Variants in CERS6 observed in about 807,000 individuals in gnomAD.
The protein encoded by CERS6 is LAG1 homolog, ceramide synthase 6.
In CERS6, 26 loss-of-function variants were observed where a neutral mutation model predicts 56.8. That is an observed-to-expected ratio of 0.46 (90% CI 0.34 to 0.63). The LOEUF (loss-of-function observed/expected upper bound fraction) is 0.63, where lower values mean the gene tolerates loss of function less well. CERS6 is among the 30% of genes least tolerant of loss of function. The pLI is 0.01. For missense variants in CERS6, 415 were observed against 467.5 expected, an observed-to-expected ratio of 0.89 and a Z score of 1.04; for synonymous variants, 164 against 173.3, an observed-to-expected ratio of 0.95 and a Z score of 0.42.
chr2:168,744,294 C>T (rs1684030025), intron 8 of CERS6, among the ~76,000 whole-genome samples: 1 of 152,146 alleles, frequency 6.6e-6, no homozygotes, highest in Non-Finnish European at 1.5e-5. Context: ...GTGTGAGCCA[C>T]CGTTCCCGGC....
intron 8 of CERS6, among the ~76,000 whole-genome samples, chr2:168,727,122 G>A (rs13423256): frequency 2.0e-5 from 3 of 152,120 alleles, no homozygotes; most frequent in Non-Finnish European, 4.4e-5. Flanking sequence ...AGTCAAATAC[G>A]TACCTTTACT....
chr2:168,645,341 GA>G (rs1196543654), intron 4 of CERS6, among the ~76,000 whole-genome samples: 2 of 150,468 alleles, frequency 1.3e-5, no homozygotes, highest in African/African-American at 4.9e-5. Flanking sequence ...ACAGAGATGA[GA>G]AAGCACTTTT....
At chr2:168,520,545 A>G (rs1444404820) in intron 1 of CERS6, among the ~76,000 whole-genome samples, 1 of 144,434 alleles carries the variant, frequency 6.9e-6, no homozygotes, top group Non-Finnish European at 1.5e-5. Context: ...GTTTTCTTCT[A>G]GGATCTTTAT....
At chr2:168,498,027 G>C (rs570104506) in intron 1 of CERS6, among the ~76,000 whole-genome samples, 1 of 152,106 alleles carries the variant, frequency 6.6e-6, no homozygotes, top group African/African-American at 2.4e-5. Context: ...CTTCCTGATA[G>C]GCTATTCTAG....
At chr2:168,665,608 C>T (rs932101624) in intron 4 of CERS6, among the ~76,000 whole-genome samples, 2 of 152,170 alleles carry the variant, frequency 1.3e-5, no homozygotes, top group African/African-American at 4.8e-5. Flanking sequence ...TGCTCATCAC[C>T]TTCTCTCTTA....
At chr2:168,684,221 G>T (rs147548316) in intron 4 of CERS6, among the ~76,000 whole-genome samples, 248 of 152,228 alleles carry the variant, frequency 1.6e-3, no homozygotes, top group African/African-American at 5.9e-3. Context: ...AACTTTCAAG[G>T]CTAATGCAGA....
intron 6 of CERS6, among the ~76,000 whole-genome samples, chr2:168,712,762 A>C (rs1687125205): frequency 6.6e-6 from 1 of 152,158 alleles, no homozygotes; most frequent in African/African-American, 2.4e-5. Context: ...CCTTGAACAC[A>C]TCAGGATAGA....
At chr2:168,583,983 T>C (rs1035214430) in intron 3 of CERS6, among the ~76,000 whole-genome samples, 4 of 152,244 alleles carry the variant, frequency 2.6e-5, no homozygotes, top group African/African-American at 4.8e-5. Flanking sequence ...CCAAGATCGC[T>C]TCCTTAGTCA....
intron 1 of CERS6, among the ~76,000 whole-genome samples, chr2:168,545,152 C>T (rs1016628012): frequency 2.6e-5 from 4 of 152,012 alleles, no homozygotes; most frequent in African/African-American, 9.7e-5. Context: ...GAAACACATA[C>T]ATGTATTTGT....
At chr2:168,508,112 T>G (rs1186136141) in intron 1 of CERS6, among the ~76,000 whole-genome samples, 1 of 152,244 alleles carries the variant, frequency 6.6e-6, no homozygotes, top group African/African-American at 2.4e-5. Context: ...GTTCTAATTA[T>G]ACAGTGGAAA....
intron 8 of CERS6, among the ~76,000 whole-genome samples, chr2:168,722,581 G>T (rs1487823902): frequency 6.6e-6 from 1 of 152,148 alleles, no homozygotes; most frequent in Non-Finnish European, 1.5e-5. Flanking sequence ...CTCTAACGAA[G>T]CAAACTTGTG....
At chr2:168,597,899 A>C (rs1040902088) in intron 3 of CERS6, among the ~76,000 whole-genome samples, 5 of 152,134 alleles carry the variant, frequency 3.3e-5, no homozygotes, top group Non-Finnish European at 5.9e-5. Context: ...ATAGACTTTA[A>C]TGTGTTTGGA....
chr2:168,570,524 G>T (rs922359373), intron 3 of CERS6, among the ~76,000 whole-genome samples: 1 of 152,170 alleles, frequency 6.6e-6, no homozygotes, highest in Non-Finnish European at 1.5e-5. Flanking sequence ...CTGGTCCTCT[G>T]TGGTGCTGGC....
intron 1 of CERS6, among the ~76,000 whole-genome samples, chr2:168,472,674 A>G (rs1693999080): frequency 6.6e-6 from 1 of 152,206 alleles, no homozygotes; most frequent in Admixed American, 6.5e-5. Context: ...TTTCCACCTT[A>G]TTTGATTAAT....
rs756952701 is a variant in CERS6, at chr2:168,763,240, C to CTTT, written c.846-2335_846-2333dup. 1.7e-3 allele frequency among the ~76,000 whole-genome samples: 182 copies of CTTT among 105,878 alleles called. 1 individual carries two copies. Among genetic ancestry groups the CTTT allele is most frequent in the Non-Finnish European group, 2.4e-3 (134 of 55,710 alleles). 69.5% of individuals were successfully genotyped at this position (105,878 alleles called of 152,430 possible). A position where few individuals can be genotyped will look rare whatever the true frequency, so the allele number is the denominator to read the frequency against. ...AATAATTGTTTCTCTCTCTCTCTCTCTTTTTTTTTTTTTTTTTTTGAGACA... is the reference window on the plus strand; with the variant it reads ...AATAATTGTTTCTCTCTCTCTCTCTCTTTTTTTTTTTTTTTTTTTTTTGAGACA... On this transcript the variant is annotated intron_variant, in intron 8 of 9. Transcript: ENST00000305747.
At chr2:168,542,829 T>A (rs2105369657) in intron 1 of CERS6, among the ~76,000 whole-genome samples, 1 of 152,280 alleles carries the variant, frequency 6.6e-6, no homozygotes. Flanking sequence ...CCAGAGTAGC[T>A]GGGATTACAG....
chr2:168,519,454 T>A (rs1170979121), intron 1 of CERS6, among the ~76,000 whole-genome samples: 2 of 152,140 alleles, frequency 1.3e-5, no homozygotes, highest in Non-Finnish European at 2.9e-5. Context: ...AGGTTTGGGT[T>A]TCTAATGATC....
intron 9 of CERS6, 31 bp from the exon 10 acceptor site, chr2:168,769,479 C>T (rs753487439): frequency 3.3e-6 from 5 of 1,532,886 alleles, no homozygotes; most frequent in Non-Finnish European, 4.4e-6. Flanking sequence ...TTCTTAGGTG[C>T]TGGTTATACT....
intron 3 of CERS6, among the ~76,000 whole-genome samples, chr2:168,629,010 G>A (rs1193861214): frequency 1.3e-5 from 2 of 152,078 alleles, no homozygotes; most frequent in Non-Finnish European, 2.9e-5. Flanking sequence ...ACTTAAAGAA[G>A]TGCTTTTTCA....
Sources: gnomAD v4.1 joint callset for allele counts (sites outside exome capture counted in the v4.1 genomes callset) on GRCh38, gnomAD v4.1.1 for gene constraint, MANE v1.5 for transcripts, NCBI Gene and HGNC (gene_info 2026-07-23, HGNC 2026-07-21) for gene names.